Variants in PCDH9 observed in about 807,000 individuals in gnomAD.
PCDH9 encodes the protein protocadherin 9.
PCDH9 carries 24 observed loss-of-function variants against 70.6 expected under a neutral mutation model. That is an observed-to-expected ratio of 0.34 (90% CI 0.25 to 0.48). The LOEUF is 0.48. Ranked by LOEUF, PCDH9 falls within the 20% of genes least tolerant of loss-of-function variation. The probability of loss-of-function intolerance (pLI) is 0.99; values close to 1 mark genes in which losing one functional copy is unlikely to be tolerated. For missense variants in PCDH9, 1,281 were observed against 1,503.6 expected (o/e 0.85, Z 2.45); for synonymous variants, 562 against 558.5 (o/e 1.01, Z -0.09).
chr13:67,009,149 C>T (rs899490833), intron 2 of PCDH9, among the ~76,000 whole-genome samples: 46 of 152,144 alleles, frequency 3.0e-4, no homozygotes, highest in African/African-American at 1.1e-3. Flanking sequence ...CTCGTTAAAA[C>T]GCAGGCTACT....
At chr13:66,588,999 T>C (rs1266008640) in intron 4 of PCDH9, among the ~76,000 whole-genome samples, 1 of 152,072 alleles carries the variant, frequency 6.6e-6, no homozygotes, top group Admixed American at 6.6e-5. Context: ...TTGACTTTTG[T>C]TGTTTTCAGA....
intron 4 of PCDH9, among the ~76,000 whole-genome samples, chr13:66,393,939 T>A (rs1029411270): frequency 6.6e-6 from 1 of 151,838 alleles, no homozygotes; most frequent in African/African-American, 2.4e-5. Context: ...ATCTGTAGAG[T>A]TTTTTAGGAG....
At chr13:66,895,641 A>G (rs2139578326) in intron 3 of PCDH9, among the ~76,000 whole-genome samples, 1 of 152,360 alleles carries the variant, frequency 6.6e-6, no homozygotes, top group South Asian at 2.1e-4. Context: ...ATTATTTACG[A>G]GAACATGCAA....
At chr13:66,549,214 C>G (rs571152280) in intron 4 of PCDH9, among the ~76,000 whole-genome samples, 1 of 151,984 alleles carries the variant, frequency 6.6e-6, no homozygotes, top group South Asian at 2.1e-4. Flanking sequence ...TGTATATAAA[C>G]CGTATGTATA....
intron 4 of PCDH9, among the ~76,000 whole-genome samples, chr13:66,342,635 C>G (rs1032524225): frequency 2.0e-5 from 3 of 151,880 alleles, no homozygotes; most frequent in Non-Finnish European, 4.4e-5. Context: ...TATGGTTTTT[C>G]TTTTTGAGAC....
At chr13:67,204,576 A>G (rs1318186815) in intron 2 of PCDH9, 1 of 152,158 alleles carries the variant, frequency 6.6e-6, no homozygotes, top group African/African-American at 2.4e-5. Flanking sequence ...TAAGGCAGAA[A>G]TTTCCAATGC....
chr13:66,989,630 C>T (rs2083962029), intron 2 of PCDH9, among the ~76,000 whole-genome samples: 1 of 151,820 alleles, frequency 6.6e-6, no homozygotes, highest in African/African-American at 2.4e-5. Context: ...AGCTCTAAAT[C>T]ACTTTATTCA....
chr13:66,946,957 A>C (rs796447269), intron 2 of PCDH9, among the ~76,000 whole-genome samples: 2 of 152,290 alleles, frequency 1.3e-5, no homozygotes, highest in African/African-American at 4.8e-5. Context: ...TGGGCTCCTT[A>C]ACTTTAAAAC....
chr13:67,161,847 A>G (rs2087971285), intron 2 of PCDH9, among the ~76,000 whole-genome samples: 1 of 152,226 alleles, frequency 6.6e-6, no homozygotes, highest in Admixed American at 6.5e-5. Flanking sequence ...AACTACAGAT[A>G]TTATAATAGT....
At chr13:66,399,982 A>C (rs1320194545) in intron 4 of PCDH9, among the ~76,000 whole-genome samples, 1 of 152,130 alleles carries the variant, frequency 6.6e-6, no homozygotes, top group Non-Finnish European at 1.5e-5. Flanking sequence ...ATTTAAGAGA[A>C]GAAATCCAGG....
At chr13:66,347,399 T>C (rs571328207) in intron 4 of PCDH9, among the ~76,000 whole-genome samples, 3 of 152,288 alleles carry the variant, frequency 2.0e-5, no homozygotes, top group African/African-American at 7.2e-5. Context: ...GGCCTTAGGC[T>C]ATGGTGGAGA....
intron 2 of PCDH9, among the ~76,000 whole-genome samples, chr13:67,198,859 A>ACTGC (rs1335446399): frequency 6.6e-6 from 1 of 151,868 alleles, no homozygotes; most frequent in Non-Finnish European, 1.5e-5. Flanking sequence ...TATAGGAGAA[A>ACTGC]TAATGACCTC....
intron 2 of PCDH9, among the ~76,000 whole-genome samples, chr13:67,192,127 A>G (rs1454977900): frequency 6.6e-6 from 1 of 152,124 alleles, no homozygotes; most frequent in Non-Finnish European, 1.5e-5. Context: ...CACAGTTCCT[A>G]GTACATATTA....
At chr13:66,773,472 CA>C (rs565969231) in intron 3 of PCDH9, among the ~76,000 whole-genome samples, 13 of 148,384 alleles carry the variant, frequency 8.8e-5, no homozygotes, top group South Asian at 2.1e-4. Context: ...ACTAAAAATA[CA>C]AAAAAAAATT....
At chr13:66,422,840 C>G (rs554279152) in intron 4 of PCDH9, among the ~76,000 whole-genome samples, 1 of 151,774 alleles carries the variant, frequency 6.6e-6, no homozygotes, top group Non-Finnish European at 1.5e-5. Context: ...ACACGAAAAA[C>G]CCTTAAAAAA....
intron 3 of PCDH9, among the ~76,000 whole-genome samples, chr13:66,676,629 A>G (rs1566498802): frequency 1.3e-5 from 2 of 152,132 alleles, no homozygotes; most frequent in South Asian, 2.1e-4. Context: ...GTCTCTTTTC[A>G]TATATCGTCA....
At chr13:66,447,309 A>G (rs1473048901) in intron 4 of PCDH9, among the ~76,000 whole-genome samples, 6 of 152,058 alleles carry the variant, frequency 3.9e-5, no homozygotes, top group Admixed American at 3.9e-4. Context: ...AGTTAACATA[A>G]CTAATAGCCT....
At chr13:66,391,855 TTC>T (rs1385572649) in intron 4 of PCDH9, among the ~76,000 whole-genome samples, 8 of 141,834 alleles carry the variant, frequency 5.6e-5, no homozygotes, top group African/African-American at 1.0e-4. Flanking sequence ...GCTTCAATCA[TTC>T]TCTCTCTCTC....
intron 3 of PCDH9, among the ~76,000 whole-genome samples, chr13:66,863,493 T>A (rs1202690209): frequency 6.6e-6 from 1 of 152,164 alleles, no homozygotes; most frequent in Non-Finnish European, 1.5e-5. Flanking sequence ...ATTTGTTTTG[T>A]TTTGTTTTTC....
Sources: allele counts gnomAD v4.1 joint callset (sites outside exome capture counted in the v4.1 genomes callset), GRCh38; gene constraint gnomAD v4.1.1; transcripts MANE v1.5; gene names NCBI Gene and HGNC (gene_info 2026-07-23, HGNC 2026-07-21).